Variants in SHOX observed in about 807,000 individuals in gnomAD.
SHOX encodes short stature homeobox protein.
SHOX carries 12 observed loss-of-function variants against 29.6 expected under a neutral mutation model. The ratio of observed to expected loss-of-function variants is 0.41; its 90% CI spans 0.26 to 0.66. The LOEUF (loss-of-function observed/expected upper bound fraction) is 0.66. Ranked by LOEUF, SHOX falls within the 30% of genes least tolerant of loss-of-function variation. The probability of loss-of-function intolerance (pLI) is 0.35; values close to 1 mark genes in which losing one functional copy is unlikely to be tolerated. For synonymous variants in SHOX, 214 were observed against 200.6 expected, an observed-to-expected ratio of 1.07 and a Z score of -0.57; for missense variants, 499 against 437.7, an observed-to-expected ratio of 1.14 and a Z score of -1.25.
At position 644,703 on chromosome X, in the gene SHOX, C is replaced by T. The variant is rs979628035; in HGVS notation, c.*67C>T. The T allele has an allele frequency of 8.7e-5, 118 of 1,357,330 alleles. No homozygotes were observed. The highest frequency in any genetic ancestry group is 3.9e-4 in the African/African-American group (25 of 64,766). 84.1% of individuals were successfully genotyped at this position (1,357,330 alleles called of 1,614,324 possible). On this transcript the variant is annotated 3_prime_UTR_variant, in exon 5 of 5. Coordinates refer to ENST00000686671, the MANE Select transcript of SHOX (RefSeq NM_000451.4). Reference sequence around the variant, plus strand: ...GCGCACCCCGCCTGCACCGCGCGTCCTGCACTCAACCCCGCCTGGAGCTCC... The same window carrying T: ...GCGCACCCCGCCTGCACCGCGCGTCTTGCACTCAACCCCGCCTGGAGCTCC...
intron 4 of SHOX, among the ~76,000 whole-genome samples, chrX:643,018 GA>G (rs2052885707): frequency 6.7e-6 from 1 of 149,764 alleles, no homozygotes; most frequent in African/African-American, 2.5e-5. Context: ...GGTGTCTCTG[GA>G]AGAGGCTTGG....
chrX:634,858 G>C, intron 2 of SHOX, 32 bp downstream of exon 2: 2 of 1,543,948 alleles, frequency 1.3e-6, no homozygotes, highest in Non-Finnish European at 1.7e-6. Context: ...CGGGGGGCCC[G>C]GAGCCATCGC....
downstream of SHOX, among the ~76,000 whole-genome samples, chrX:653,625 A>G (rs1434015215): frequency 1.4e-5 from 2 of 138,722 alleles, no homozygotes; most frequent in African/African-American, 5.7e-5. Flanking sequence ...CCACATTTAA[A>G]AAAAAAAAAA....
rs1176271288 is a variant in SHOX at position 651,036 on chromosome X, G to A, written c.*6400G>A. Among the ~76,000 whole-genome samples the A allele has an allele frequency of 6.6e-6, 1 of 151,968 alleles. No individual in the cohort carries two copies. The highest frequency in any genetic ancestry group is 1.5e-5 in the Non-Finnish European group (1 of 67,996). ...GCTTCACGAGTTCAGCCCATTGTAC[G>A]TGCAGGTCCCGTGGGAAGGAGGCAA... On this transcript the variant is annotated 3_prime_UTR_variant, in exon 5 of 5. Coordinates refer to ENST00000686671, the MANE Select transcript of SHOX (RefSeq NM_000451.4).
At chrX:655,206 C>G (rs143894624), downstream of SHOX, among the ~76,000 whole-genome samples, 27,582 of 151,634 alleles carry the variant, frequency 0.18, 2,683 homozygotes, top group East Asian at 0.28. Flanking sequence ...CTCCTGGGTT[C>G]AAGCAATCCT....
rs906491370 is a variant in SHOX at position 658,291 on chromosome X, G to A, written c.634-494G>A. 2.0e-5 allele frequency among the ~76,000 whole-genome samples: 3 copies of A among 151,684 alleles called. No homozygotes were observed. The South Asian group carries it at 6.3e-4, about 32-fold the overall frequency. ...CGCCCGGCCCCAGGTGGTCTTTTTA[G>A]CGGGTATTAAAGCAGCTTTCTCTCT... On this transcript the variant is annotated intron_variant, in intron 5 of 5. Transcript: ENST00000334060.
chrX:639,115 G>C (rs775105076), intron 2 of SHOX, among the ~76,000 whole-genome samples: 10 of 152,202 alleles, frequency 6.6e-5, no homozygotes, highest in African/African-American at 2.4e-4. Context: ...TAGGAGGTGA[G>C]AGGGGGTGGA....
intron 1 of SHOX, chrX:632,080 C>T: frequency 9.0e-6 from 4 of 444,432 alleles, no homozygotes; most frequent in South Asian, 4.7e-5. Flanking sequence ...AACGTCGAGG[C>T]TTGATCTTGG....
At chrX:626,969 T>C (rs1457861536), upstream of SHOX, among the ~76,000 whole-genome samples, 2 of 151,884 alleles carry the variant, frequency 1.3e-5, no homozygotes, top group Non-Finnish European at 2.9e-5. Context: ...TCTGTATCTC[T>C]GTCTACCTCT....
intron 1 of SHOX, among the ~76,000 whole-genome samples, chrX:632,565 G>A (rs918097609): frequency 6.6e-6 from 1 of 152,110 alleles, no homozygotes; most frequent in Non-Finnish European, 1.5e-5. Flanking sequence ...GCTCTCCGGG[G>A]CCCTGCATTT....
At position 645,498 on chromosome X, in the gene SHOX, T is replaced by C. The variant is rs2052951860; in HGVS notation, c.*862T>C. ...GTGGTTGCAAGGTGTCATACTGATA[T>C]GCAGCATTAACTTTACTGACATGGA... On this transcript the variant is annotated 3_prime_UTR_variant, in exon 5 of 5. Transcript: ENST00000686671. The C allele has an allele frequency of 6.8e-6, 1 of 146,226 alleles. No homozygotes were observed. The highest frequency in any genetic ancestry group is 1.5e-5 in the Non-Finnish European group (1 of 67,264). The allele number at this position is 146,226 out of a possible 1,614,324, so 9.1% of individuals were successfully genotyped here. A position where few individuals can be genotyped will look rare whatever the true frequency, so the allele number is the denominator to read the frequency against.
At chrX:636,737 A>T (rs77423765) in intron 2 of SHOX, among the ~76,000 whole-genome samples, 1,230 of 9,262 alleles carry the variant, frequency 0.13, 467 homozygotes, top group Middle Eastern at 0.25. Context: ...ATATATATAT[A>T]AACATATATA....
Position 644,696 on chromosome X carries a change from G to T in SHOX, c.*60G>T. ...GGGCTCCGCGCACCCCGCCTGCACC[G>T]CGCGTCCTGCACTCAACCCCGCCTG... is the stretch of plus-strand genomic sequence containing the variant. On this transcript the variant is annotated 3_prime_UTR_variant, in exon 5 of 5. Coordinates refer to ENST00000686671, the MANE Select transcript of SHOX (RefSeq NM_000451.4). 2.2e-6 allele frequency: 3 copies of T among 1,371,510 alleles called. No individual in the cohort carries two copies. The highest frequency in any genetic ancestry group is 2.8e-6 in the Non-Finnish European group (3 of 1,073,224). The allele number at this position is 1,371,510 out of a possible 1,614,324, so 85.0% of individuals were successfully genotyped here.
rs1157076422 is a variant in SHOX, at chrX:650,313, C to T, written c.*5677C>T. On this transcript the variant is annotated 3_prime_UTR_variant, in exon 5 of 5. Coordinates refer to ENST00000686671, the MANE Select transcript of SHOX (RefSeq NM_000451.4). Reference sequence around the variant, plus strand: ...TTGGGCCGCTCCAAAGACGCCCTGTCGTAGGAATGGCCTCTCCATCCCGCC... The same window carrying T: ...TTGGGCCGCTCCAAAGACGCCCTGTTGTAGGAATGGCCTCTCCATCCCGCC... 1.3e-5 allele frequency among the ~76,000 whole-genome samples: 2 copies of T among 149,610 alleles called. No individual in the cohort carries two copies. Among genetic ancestry groups the T allele is most frequent in the South Asian group, 4.2e-4 (2 of 4,738 alleles).
Position 648,392 on chromosome X carries a change from T to A in SHOX, c.*3756T>A, listed in dbSNP as rs2052992998. 6.6e-6 allele frequency among the ~76,000 whole-genome samples: 1 copy of A among 151,840 alleles called. No homozygotes were observed. The highest frequency in any genetic ancestry group is 1.5e-5 in the Non-Finnish European group (1 of 67,962). On this transcript the variant is annotated 3_prime_UTR_variant, in exon 5 of 5. Transcript: ENST00000686671. ...GGCACCTGCCACCAGGCCTGGGTAA[T>A]TTTTTTGCATTTTTGGTAGAGACAG...
intron 1 of SHOX, among the ~76,000 whole-genome samples, chrX:634,034 C>G (rs1393795727): frequency 5.3e-5 from 8 of 152,234 alleles, no homozygotes; most frequent in South Asian, 2.1e-4. Flanking sequence ...TTTCTGCGCA[C>G]GCGGTTCAGC....
chrX:629,725 C>T (rs182076081), upstream of SHOX, among the ~76,000 whole-genome samples: 12 of 152,102 alleles, frequency 7.9e-5, no homozygotes, highest in African/African-American at 2.7e-4. Context: ...CGTGGGGTTA[C>T]GGGAGGAAGG....
intron 1 of SHOX, among the ~76,000 whole-genome samples, chrX:624,857 C>CTTTCT (rs2052479746): frequency 2.9e-5 from 2 of 68,888 alleles, no homozygotes; most frequent in Non-Finnish European, 5.9e-5. Context: ...CTTCCTCTTT[C>CTTTCT]TTTCTTTTCT....
intron 4 of SHOX, 60 bp downstream of exon 4, chrX:641,147 C>T: frequency 6.6e-7 from 1 of 1,507,364 alleles, no homozygotes; most frequent in Admixed American, 1.7e-5. Context: ...TTCCCCTTTC[C>T]CCTATTTGCT....
Sources: gnomAD v4.1 joint callset for allele counts (sites outside exome capture counted in the v4.1 genomes callset) on GRCh38, gnomAD v4.1.1 for gene constraint, MANE v1.5 for transcripts, NCBI Gene and HGNC (gene_info 2026-07-23, HGNC 2026-07-21) for gene names.